The following HMCN1 variants were observed in gnomAD, a reference collection of about 807,000 sequenced individuals.
The protein encoded by HMCN1 is hemicentin 1, also known as hemicentin-1.
HMCN1 carries 321 observed loss-of-function variants against 625.9 expected under a neutral mutation model. The ratio of observed to expected loss-of-function variants is 0.51; its 90% CI spans 0.47 to 0.56. The LOEUF (loss-of-function observed/expected upper bound fraction) is 0.56. HMCN1 is among the 20% of genes least tolerant of loss of function. The probability of loss-of-function intolerance (pLI) is 0.00; values close to 1 mark genes in which losing one functional copy is unlikely to be tolerated. For synonymous variants in HMCN1, 2,425 were observed against 2,417.6 expected (o/e 1.00, Z -0.09); for missense variants, 6,588 against 6,887.3 (o/e 0.96, Z 1.54).
chr1:185,958,318 C>T (rs1218397327), intron 11 of HMCN1, among the ~76,000 whole-genome samples: 1 of 152,016 alleles, frequency 6.6e-6, no homozygotes, highest in Non-Finnish European at 1.5e-5. Flanking sequence ...GGGTTTTTGC[C>T]CTGTTACCCA....
At position 186,016,190 on chromosome 1, in the gene HMCN1, T is replaced by A. The variant is rs746701990; in HGVS notation, c.5142T>A (p.Ala1714=). The A allele has an allele frequency of 2.9e-5, 46 of 1,613,256 alleles. No individual in the cohort carries two copies. The highest frequency in any genetic ancestry group is 3.9e-5 in the Non-Finnish European group (46 of 1,179,478). The change falls in exon 32 of 107, where the codon GCT becomes GCA. Residue 1714 remains alanine (A), a synonymous_variant. Transcript: ENST00000271588. ...ATCGAGGACAGTACATATGCGTGGC[T>A]ACCAGTGTGGCAGGAGAAAAGGAAA... ...EIDRGQYICV[A]TSVAGEKEIK... is the part of the protein sequence containing the mutation.
intron 1 of HMCN1, among the ~76,000 whole-genome samples, chr1:185,773,642 T>C (rs1478802976): frequency 6.6e-6 from 1 of 152,192 alleles, no homozygotes; most frequent in Non-Finnish European, 1.5e-5. Context: ...CATGGGGCTA[T>C]AAATCTACTT....
intron 1 of HMCN1, among the ~76,000 whole-genome samples, chr1:185,837,625 G>A (rs746602983): frequency 4.3e-4 from 65 of 150,574 alleles, no homozygotes; most frequent in Non-Finnish European, 6.9e-4. Flanking sequence ...TTTTTATATC[G>A]ATCTGATATA....
chr1:186,133,330 CTAATG>C (rs1191070423), intron 86 of HMCN1, among the ~76,000 whole-genome samples: 1 of 152,120 alleles, frequency 6.6e-6, no homozygotes, highest in Non-Finnish European at 1.5e-5. Context: ...AAAATAAAGA[CTAATG>C]TAAAGGAGCT....
chr1:185,971,735 T>A (rs1650849596), intron 15 of HMCN1, among the ~76,000 whole-genome samples: 1 of 152,192 alleles, frequency 6.6e-6, no homozygotes, highest in Admixed American at 6.5e-5. Flanking sequence ...AAGCTAAATT[T>A]TTGCTTTCTG....
Position 186,112,972 on chromosome 1 carries a change from T to G in HMCN1, c.11131+19T>G, listed in dbSNP as rs750377400. The G allele has an allele frequency of 2.5e-6, 4 of 1,613,264 alleles. No homozygotes were observed. Among genetic ancestry groups the G allele is most frequent in the African/African-American group, 1.3e-5 (1 of 74,922 alleles). On this transcript the variant is annotated intron_variant, in intron 72 of 106. Coordinates refer to ENST00000271588, the MANE Select transcript of HMCN1 (RefSeq NM_031935.3). ...GTAAATGGTAAGAAAAGGTATTCATTGTTCCACAATTTAAAAATCTGACCA... is the reference window on the plus strand; with the variant it reads ...GTAAATGGTAAGAAAAGGTATTCATGGTTCCACAATTTAAAAATCTGACCA...
At chr1:185,865,945 A>G in intron 4 of HMCN1, 82 bp downstream of exon 4, 1 of 1,453,238 alleles carries the variant, frequency 6.9e-7, no homozygotes, top group Non-Finnish European at 9.6e-7. Flanking sequence ...GACAGATTTG[A>G]TTTCAAAAAC....
chr1:186,023,494 G>A (rs1236217506), intron 36 of HMCN1, among the ~76,000 whole-genome samples: 1 of 152,042 alleles, frequency 6.6e-6, no homozygotes, highest in Non-Finnish European at 1.5e-5. Flanking sequence ...AATCTTGTCT[G>A]CGTTTTTCTT....
intron 68 of HMCN1, among the ~76,000 whole-genome samples, chr1:186,101,793 C>T (rs1225940903): frequency 6.6e-6 from 1 of 151,572 alleles, no homozygotes; most frequent in Non-Finnish European, 1.5e-5. Flanking sequence ...ACTAAATAAC[C>T]GAGAAGTAAG....
rs1217514225 is a variant in HMCN1, at chr1:186,125,767, TG to T, written c.12665del (p.Gly4222GlufsTer5). ...LLGKYTAEPY[G>X]ELILENVVLE... ...TAGGAAAATACACTGCTGAACCATA[TG>T]GAGAACTCATTTTAGAAAATGTTGT... On this transcript the variant is annotated frameshift_variant, in exon 82 of 107. Coordinates refer to ENST00000271588, the MANE Select transcript of HMCN1 (RefSeq NM_031935.3). LOFTEE classifies it high-confidence loss of function. The T allele has an allele frequency of 2.5e-6, 4 of 1,613,110 alleles. No homozygotes were observed. The highest frequency in any genetic ancestry group is 3.4e-6 in the Non-Finnish European group (4 of 1,179,340).
At chr1:185,896,973 A>G (rs888291244) in intron 4 of HMCN1, among the ~76,000 whole-genome samples, 11 of 152,104 alleles carry the variant, frequency 7.2e-5, no homozygotes, top group Non-Finnish European at 1.5e-4. Flanking sequence ...CAAAGTATTG[A>G]TTTTTTAAGG....
chr1:185,907,324 A>C (rs1017765333), intron 4 of HMCN1, among the ~76,000 whole-genome samples: 1 of 151,984 alleles, frequency 6.6e-6, no homozygotes, highest in Non-Finnish European at 1.5e-5. Context: ...CCGTGATGAC[A>C]CTACAAATTT....
chr1:186,154,027 A>C, intron 97 of HMCN1, 40 bp downstream of exon 97: 1 of 1,518,728 alleles, frequency 6.6e-7, no homozygotes, highest in Non-Finnish European at 9.1e-7. Flanking sequence ...TATGCCATCC[A>C]GTCTAAAGGG....
chr1:185,959,624 G>A (rs1447953258), intron 11 of HMCN1, among the ~76,000 whole-genome samples: 1 of 152,092 alleles, frequency 6.6e-6, no homozygotes, highest in East Asian at 1.9e-4. Context: ...TGATGATGAT[G>A]ATGTTGGTTG....
intron 89 of HMCN1, among the ~76,000 whole-genome samples, chr1:186,143,934 A>G (rs1040120077): frequency 3.9e-5 from 6 of 152,190 alleles, no homozygotes; most frequent in African/African-American, 1.4e-4. Flanking sequence ...CCTTTGGGTG[A>G]TTTTAAACAT....
intron 6 of HMCN1, among the ~76,000 whole-genome samples, chr1:185,920,392 C>A (rs886528756): frequency 1.3e-5 from 2 of 152,142 alleles, no homozygotes; most frequent in African/African-American, 4.8e-5. Context: ...GACATTCCTA[C>A]TGTCTACAGT....
intron 1 of HMCN1, among the ~76,000 whole-genome samples, chr1:185,819,483 A>G (rs1016102352): frequency 3.3e-5 from 5 of 152,110 alleles, no homozygotes; most frequent in Non-Finnish European, 7.3e-5. Context: ...GTTCTCTGAT[A>G]TTACCTAAAT....
rs73062171 is a variant in HMCN1 at position 185,917,159 on chromosome 1, T to C, written c.901-5220T>C. 8.8e-3 allele frequency among the ~76,000 whole-genome samples: 1,336 copies of C among 152,158 alleles called. 24 individuals are homozygous for C. Among genetic ancestry groups the C allele is most frequent in the African/African-American group, 0.031 (1,286 of 41,514 alleles). ...GATGGGAATATTTACACCACAGAAA[T>C]TGAAAAATGCCAAAAATTAGGGTTT... On this transcript the variant is annotated intron_variant, in intron 6 of 106. Coordinates refer to ENST00000271588, the MANE Select transcript of HMCN1 (RefSeq NM_031935.3).
At chr1:186,021,221 T>A (rs1054181715) in intron 35 of HMCN1, among the ~76,000 whole-genome samples, 1 of 152,054 alleles carries the variant, frequency 6.6e-6, no homozygotes, top group African/African-American at 2.4e-5. Flanking sequence ...GAGAGGGATG[T>A]GGCAAGGAAG....
Sources: gnomAD v4.1 joint callset for allele counts (sites outside exome capture counted in the v4.1 genomes callset) on GRCh38, gnomAD v4.1.1 for gene constraint, MANE v1.5 for transcripts, NCBI Gene and HGNC (gene_info 2026-07-23, HGNC 2026-07-21) for gene names.